SPON1: variants seen among roughly 807,000 people sequenced by gnomAD.
SPON1 encodes spondin-1.
SPON1 carries 52 observed loss-of-function variants against 111.7 expected under a neutral mutation model. The observed-to-expected ratio is 0.47, with a 90% CI of 0.37 to 0.59. The LOEUF (loss-of-function observed/expected upper bound fraction) is 0.59, where lower values mean the gene tolerates loss of function less well. Ranked by LOEUF, SPON1 falls within the 20% of genes least tolerant of loss-of-function variation. The pLI is 0.00. For missense variants in SPON1, 957 were observed against 1,068.5 expected (o/e 0.90, Z 1.46); for synonymous variants, 410 against 395.8 (o/e 1.04, Z -0.43).
intron 6 of SPON1, among the ~76,000 whole-genome samples, chr11:14,221,364 G>T (rs1554937565): frequency 1.3e-5 from 2 of 152,192 alleles, no homozygotes; most frequent in East Asian, 3.9e-4. Context: ...AGAAACTGAG[G>T]TTCAGACAGG....
At chr11:14,175,947 C>T (rs1402146963) in intron 6 of SPON1, among the ~76,000 whole-genome samples, 5 of 152,182 alleles carry the variant, frequency 3.3e-5, no homozygotes, top group Admixed American at 3.3e-4. Flanking sequence ...ACAAAACAGA[C>T]ATTACTTACC....
At chr11:14,251,389 A>G (rs1849052403) in intron 7 of SPON1, among the ~76,000 whole-genome samples, 1 of 152,226 alleles carries the variant, frequency 6.6e-6, no homozygotes, top group African/African-American at 2.4e-5. Context: ...TTTGGATACA[A>G]CAGATTGGGC....
intron 5 of SPON1, among the ~76,000 whole-genome samples, chr11:14,124,401 G>T (rs979350209): frequency 6.6e-6 from 1 of 152,158 alleles, no homozygotes; most frequent in Non-Finnish European, 1.5e-5. Context: ...AACCATCTGG[G>T]TTAAGTGCCC....
At chr11:14,243,458 C>T (rs1269998426) in intron 7 of SPON1, 62 bp downstream of exon 7, 1 of 1,361,396 alleles carries the variant, frequency 7.3e-7, no homozygotes, top group Non-Finnish European at 1.0e-6. Context: ...AAGCCACCTA[C>T]CTAATGGCCA....
intron 6 of SPON1, among the ~76,000 whole-genome samples, chr11:14,170,067 A>G (rs1554932275): frequency 6.6e-6 from 1 of 152,192 alleles, no homozygotes; most frequent in Non-Finnish European, 1.5e-5. Flanking sequence ...ATGGCATTGA[A>G]TCTATAAATA....
chr11:14,021,127 T>G (rs546412450), intron 2 of SPON1, among the ~76,000 whole-genome samples: 1 of 152,286 alleles, frequency 6.6e-6, no homozygotes, highest in Admixed American at 6.5e-5. Context: ...CACTTTCTAC[T>G]TTATACCTAT....
In SPON1 at chr11:13,967,807, T is replaced by TG. The variant is rs532289253; in HGVS notation, c.238+4665_238+4666insG. On this transcript the variant is annotated intron_variant, in intron 1 of 15. Coordinates refer to ENST00000576479, the MANE Select transcript of SPON1 (RefSeq NM_006108.4). ...TCCCTGCTTTTTTGTTATGTAACTA[T>TG]TTCTAACCATTACTTAAGTATTTAG... Among the ~76,000 whole-genome samples the TG allele has an allele frequency of 4.2e-3, 644 of 152,340 alleles. 2 individuals are homozygous for TG. The highest frequency in any genetic ancestry group is 6.8e-3 in the Middle Eastern group (2 of 294).
intron 1 of SPON1, among the ~76,000 whole-genome samples, chr11:13,965,864 C>A (rs181357075): frequency 6.6e-6 from 1 of 152,128 alleles, no homozygotes; most frequent in African/African-American, 2.4e-5. Context: ...CTGGCATTCC[C>A]CTGGTGTTCT....
intron 5 of SPON1, among the ~76,000 whole-genome samples, chr11:14,082,702 A>T (rs1214446908): frequency 1.3e-5 from 2 of 152,220 alleles, no homozygotes; most frequent in African/African-American, 4.8e-5. Flanking sequence ...CATGGGGAGG[A>T]TCTAATCGGG....
At chr11:14,072,400 C>G (rs1385432184) in intron 3 of SPON1, among the ~76,000 whole-genome samples, 1 of 151,984 alleles carries the variant, frequency 6.6e-6, no homozygotes, top group Non-Finnish European at 1.5e-5. Context: ...CTTTTCTATG[C>G]ACTATCATGC....
At chr11:13,982,606 T>C (rs1462068679) in intron 1 of SPON1, among the ~76,000 whole-genome samples, 1 of 152,070 alleles carries the variant, frequency 6.6e-6, no homozygotes, top group African/African-American at 2.4e-5. Flanking sequence ...ACACCCCTGG[T>C]TGGGTCAAGA....
intron 2 of SPON1, among the ~76,000 whole-genome samples, chr11:14,019,975 C>T (rs1288584574): frequency 6.6e-6 from 1 of 152,200 alleles, no homozygotes; most frequent in Non-Finnish European, 1.5e-5. Flanking sequence ...AAGCAGGTCA[C>T]ATGGTCACCT....
At chr11:14,113,695 C>T (rs1341282502) in intron 5 of SPON1, among the ~76,000 whole-genome samples, 4 of 143,382 alleles carry the variant, frequency 2.8e-5, no homozygotes, top group South Asian at 2.2e-4. Flanking sequence ...CTCCGCCTCC[C>T]GGGTTCACGC....
chr11:14,160,451 A>T (rs1554930849), intron 6 of SPON1, among the ~76,000 whole-genome samples: 2 of 25,490 alleles, frequency 7.8e-5, no homozygotes, highest in African/African-American at 3.5e-4. Context: ...ATTTATATAT[A>T]TATTTATATA....
At chr11:13,965,103 C>T (rs1848006531) in intron 1 of SPON1, among the ~76,000 whole-genome samples, 1 of 152,010 alleles carries the variant, frequency 6.6e-6, no homozygotes, top group Non-Finnish European at 1.5e-5. Context: ...AATGTGAGGC[C>T]TTTATTGGTT....
intron 1 of SPON1, among the ~76,000 whole-genome samples, chr11:13,966,947 T>A (rs1848022504): frequency 6.6e-6 from 1 of 152,248 alleles, no homozygotes; most frequent in South Asian, 2.1e-4. Context: ...TGTTATGAGA[T>A]GATTATTTTG....
chr11:14,173,276 T>A (rs1848130226), intron 6 of SPON1, among the ~76,000 whole-genome samples: 1 of 152,236 alleles, frequency 6.6e-6, no homozygotes. Context: ...TTCTTCCAGT[T>A]GATTGCATTG....
At chr11:13,996,145 C>T (rs1848270471) in intron 2 of SPON1, among the ~76,000 whole-genome samples, 1 of 151,902 alleles carries the variant, frequency 6.6e-6, no homozygotes, top group Non-Finnish European at 1.5e-5. Flanking sequence ...CACCTAGAGC[C>T]TCACAAGGGC....
At chr11:14,205,638 T>C (rs1554936112) in intron 6 of SPON1, among the ~76,000 whole-genome samples, 1 of 152,186 alleles carries the variant, frequency 6.6e-6, no homozygotes, top group East Asian at 1.9e-4. Flanking sequence ...TGAAAGCCCA[T>C]GGACAACAAC....
Sources: gnomAD v4.1 joint callset for allele counts (sites outside exome capture counted in the v4.1 genomes callset) on GRCh38, gnomAD v4.1.1 for gene constraint, MANE v1.5 for transcripts, NCBI Gene and HGNC (gene_info 2026-07-23, HGNC 2026-07-21) for gene names.